The following CLIP2 variants were observed in gnomAD, a reference collection of about 807,000 sequenced individuals.
The protein encoded by CLIP2 is CAP-Gly domain containing linker protein 2.
In CLIP2, 41 loss-of-function variants were observed where a neutral mutation model predicts 111.7. The observed-to-expected ratio is 0.37, with a 90% CI of 0.29 to 0.48. The LOEUF is 0.48. Among genes scored for constraint, CLIP2 ranks in the 20% least tolerant of loss-of-function variants. CLIP2 has a pLI of 0.99. For synonymous variants in CLIP2, 660 were observed against 644.2 expected (o/e 1.02, Z -0.37); for missense variants, 1,160 against 1,422.1 (o/e 0.82, Z 2.96).
intron 1 of CLIP2, among the ~76,000 whole-genome samples, chr7:74,310,256 G>A (rs954775159): frequency 9.9e-5 from 15 of 151,470 alleles, no homozygotes; most frequent in Non-Finnish European, 1.3e-4. Flanking sequence ...TGGTCATGGC[G>A]GCTCAATCCT....
chr7:74,371,343 G>T (rs1328779949), intron 8 of CLIP2, among the ~76,000 whole-genome samples: 1 of 150,760 alleles, frequency 6.6e-6, no homozygotes, highest in Non-Finnish European at 1.5e-5. Context: ...GCTTTTTCTT[G>T]CCTGTGCGGG....
intron 3 of CLIP2, among the ~76,000 whole-genome samples, chr7:74,347,466 C>T (rs1554306560): frequency 1.3e-5 from 2 of 152,100 alleles, no homozygotes; most frequent in Non-Finnish European, 2.9e-5. Context: ...GATGGGGTTT[C>T]ACTGTGTTGG....
intron 1 of CLIP2, among the ~76,000 whole-genome samples, chr7:74,306,736 C>T (rs547902634): frequency 6.6e-6 from 1 of 152,308 alleles, no homozygotes; most frequent in Admixed American, 6.5e-5. Context: ...CCAGGGCCTC[C>T]AGAGAGTAGT....
At chr7:74,333,053 T>C (rs1554731576) in intron 2 of CLIP2, among the ~76,000 whole-genome samples, 1 of 152,228 alleles carries the variant, frequency 6.6e-6, no homozygotes, top group Non-Finnish European at 1.5e-5. Context: ...CGCCACCAGC[T>C]GCAGCCACCC....
At chr7:74,400,104 C>T (rs1042240308) in intron 14 of CLIP2, among the ~76,000 whole-genome samples, 2 of 148,554 alleles carry the variant, frequency 1.3e-5, no homozygotes, top group Non-Finnish European at 3.0e-5. Context: ...GACCCAAGAT[C>T]GCGCCACTGC....
chr7:74,291,691 C>A (rs1276929809), intron 1 of CLIP2, among the ~76,000 whole-genome samples: 2 of 152,190 alleles, frequency 1.3e-5, no homozygotes, highest in Non-Finnish European at 2.9e-5. Flanking sequence ...CCCTTCCAGG[C>A]TGTTTGTCCT....
At chr7:74,364,204 C>A (rs1554310325) in intron 7 of CLIP2, 51 bp from the exon 8 acceptor site, 2 of 1,543,622 alleles carry the variant, frequency 1.3e-6, no homozygotes, top group Non-Finnish European at 1.8e-6. Flanking sequence ...TTCGGTGAAT[C>A]CCGTTGCTCT....
At chr7:74,340,353 G>A (rs1339726368) in intron 3 of CLIP2, among the ~76,000 whole-genome samples, 2 of 152,122 alleles carry the variant, frequency 1.3e-5, no homozygotes, top group Admixed American at 6.6e-5. Flanking sequence ...CCGAGATCAT[G>A]CCACTGCACT....
chr7:74,338,793 G>C lies in CLIP2; in HGVS notation c.467G>C (p.Ser156Thr). ...CAGCCCACGGCCGAGGGCTCGGGGA[G>C]TGATGCCCACTCCGTGGAGTCGCTG... ...TRQPTAEGSG[S>T]DAHSVESLTA... The change falls in exon 3 of 17, where the codon AGT becomes ACT. Residue 156 changes from serine (S) to threonine (T), a missense_variant. Transcript: ENST00000223398. The surrounding 1 kb of genome is among the most constrained non-coding windows in gnomAD (Gnocchi z 4.3). The C allele has an allele frequency of 6.2e-7, 1 of 1,611,098 alleles. No individual in the cohort carries two copies. Among genetic ancestry groups the C allele is most frequent in the Non-Finnish European group, 8.5e-7 (1 of 1,179,732 alleles).
chr7:74,372,790 C>T (rs1790665975), intron 8 of CLIP2, 142 bp from the exon 9 acceptor site: 1 of 629,834 alleles, frequency 1.6e-6, no homozygotes, highest in Admixed American at 2.7e-5. Context: ...CATGAATCTA[C>T]TCTCCTCGCC....
At chr7:74,290,478 T>C (rs1420042150) in intron 1 of CLIP2, among the ~76,000 whole-genome samples, 2 of 152,218 alleles carry the variant, frequency 1.3e-5, no homozygotes, top group Non-Finnish European at 2.9e-5. Context: ...CAGGCAGAGC[T>C]TGGGCCGAGC....
At chr7:74,393,192 T>C (rs1330481921) in intron 13 of CLIP2, among the ~76,000 whole-genome samples, 5 of 151,762 alleles carry the variant, frequency 3.3e-5, no homozygotes, top group Non-Finnish European at 5.9e-5. Context: ...CCCATCACCA[T>C]GCCCAGCTAA....
At chr7:74,382,957 A>G (rs536101018) in intron 11 of CLIP2, among the ~76,000 whole-genome samples, 107 of 151,626 alleles carry the variant, frequency 7.1e-4, no homozygotes, top group African/African-American at 2.4e-3. Flanking sequence ...GCATGCAGCT[A>G]TAGTCCCAGA....
intron 1 of CLIP2, among the ~76,000 whole-genome samples, chr7:74,299,916 C>G (rs531940609): frequency 6.6e-6 from 1 of 151,882 alleles, no homozygotes; most frequent in Non-Finnish European, 1.5e-5. Flanking sequence ...AGGCTGGTCT[C>G]GAACTCCTGA....
intron 3 of CLIP2, among the ~76,000 whole-genome samples, chr7:74,341,976 T>C (rs906568760): frequency 1.3e-5 from 2 of 152,162 alleles, no homozygotes; most frequent in African/African-American, 4.8e-5. Flanking sequence ...CCCCGAGGAA[T>C]GGTTCCCCCG....
intron 3 of CLIP2, among the ~76,000 whole-genome samples, chr7:74,344,865 A>C (rs988331569): frequency 1.3e-5 from 2 of 152,138 alleles, no homozygotes; most frequent in African/African-American, 4.8e-5. Context: ...CAGAGAGAAC[A>C]ACCCAGTCTC....
chr7:74,293,549 G>C (rs141013026), intron 1 of CLIP2, among the ~76,000 whole-genome samples: 2 of 152,052 alleles, frequency 1.3e-5, no homozygotes, highest in Non-Finnish European at 1.5e-5. Context: ...CTCGGCTAGT[G>C]GGGGGGCAGG....
At chr7:74,296,295 G>C (rs782136640) in intron 1 of CLIP2, among the ~76,000 whole-genome samples, 1 of 151,112 alleles carries the variant, frequency 6.6e-6, no homozygotes, top group Non-Finnish European at 1.5e-5. Flanking sequence ...GATCACCTGA[G>C]ATAAGGAGTT....
chr7:74,358,075 A>G lies in CLIP2; in HGVS notation c.1215+598A>G, dbSNP rs186776179. ...GGTTTTTTTTTTTTTTTTATGAGAC[A>G]GAGTCTCACTCTGTTCCCCAGGCTG... On this transcript the variant is annotated intron_variant, in intron 6 of 16. Transcript: ENST00000223398. Among the ~76,000 whole-genome samples the G allele has an allele frequency of 7.1e-3, 848 of 118,844 alleles. 10 individuals carry two copies. Among genetic ancestry groups the G allele is most frequent in the African/African-American group, 0.026 (812 of 30,720 alleles). The allele number at this position is 118,844 out of a possible 152,430, so 78.0% of individuals were successfully genotyped here. A position where few individuals can be genotyped will look rare whatever the true frequency, so the allele number is the denominator to read the frequency against.
Sources: gnomAD v4.1 joint callset for allele counts (sites outside exome capture counted in the v4.1 genomes callset) on GRCh38, gnomAD v4.1.1 for gene constraint, Gnocchi (gnomAD v3.1) non-coding constraint, MANE v1.5 for transcripts, NCBI Gene and HGNC (gene_info 2026-07-23, HGNC 2026-07-21) for gene names.